The following NCKAP1 variants were observed in gnomAD, a reference collection of about 807,000 sequenced individuals.
NCKAP1 encodes the protein nck-associated protein 1.
In NCKAP1, 21 loss-of-function variants were observed where a neutral mutation model predicts 151.2. That is an observed-to-expected ratio of 0.14 (90% CI 0.10 to 0.20). The LOEUF is 0.20. Among genes scored for constraint, NCKAP1 ranks in the 10% least tolerant of loss-of-function variants. The pLI, the probability that NCKAP1 is intolerant of heterozygous loss-of-function variation, is 1.00. For synonymous variants in NCKAP1, 484 were observed against 451.8 expected, an observed-to-expected ratio of 1.07 and a Z score of -0.90; for missense variants, 933 against 1,352.1, an observed-to-expected ratio of 0.69 and a Z score of 4.86.
rs759884943 is a variant in NCKAP1 at position 182,928,163 on chromosome 2, G to A, written c.3134C>T (p.Thr1045Ile). 1.9e-6 allele frequency: 3 copies of A among 1,612,760 alleles called. No individual in the cohort carries two copies. Among genetic ancestry groups the A allele is most frequent in the Admixed American group, 3.3e-5 (2 of 59,876 alleles). ...GTCTTCAATGCTTCCTTTGTGAATTGTAAACAAAGCTGCAGCAATCTGGTT... is the reference window on the plus strand; with the variant it reads ...GTCTTCAATGCTTCCTTTGTGAATTATAAACAAAGCTGCAGCAATCTGGTT... ...AINQIAAALF[T>I]IHKGSIEDRL... Residue 1045 changes from threonine (T) to isoleucine (I), a missense_variant, in exon 29 of 31, where the codon ACA becomes ATA. Coordinates refer to ENST00000361354, the MANE Select transcript of NCKAP1 (RefSeq NM_013436.5).
chr2:183,018,024 G>A (rs190996377), intron 2 of NCKAP1, among the ~76,000 whole-genome samples: 4 of 152,186 alleles, frequency 2.6e-5, no homozygotes, highest in African/African-American at 4.8e-5. Context: ...TGGGGCGGAC[G>A]GATTGCCTGA....
Position 183,002,103 on chromosome 2 carries a change from A to G in NCKAP1, c.512+24T>C, listed in dbSNP as rs773045131. On this transcript the variant is annotated intron_variant, in intron 5 of 30. Transcript: ENST00000361354. Reference sequence around the variant, plus strand: ...AATCCATCAAACTGAGCATTTTAGAAAGACTTTTATAATGCAAATCTACCT... The same window carrying G: ...AATCCATCAAACTGAGCATTTTAGAGAGACTTTTATAATGCAAATCTACCT... 3.7e-6 allele frequency: 6 copies of G among 1,612,456 alleles called. No homozygotes were observed. The East Asian group carries it at 8.9e-5, about 24-fold the overall frequency.
At chr2:182,936,078 A>G (rs1696868246) in intron 24 of NCKAP1, among the ~76,000 whole-genome samples, 1 of 151,988 alleles carries the variant, frequency 6.6e-6, no homozygotes, top group Non-Finnish European at 1.5e-5. Flanking sequence ...GCAACATAGC[A>G]AGACCCTGTC....
chr2:183,002,984 A>G lies in NCKAP1; in HGVS notation c.359T>C (p.Phe120Ser). The change falls in exon 4 of 31, where the codon TTC (phenylalanine) becomes TCC (serine). Residue 120 changes from phenylalanine to serine, a missense_variant. Around this residue, in one of 2 missense-constraint regions of NCKAP1, gnomAD observed 607 missense variants for 795.0 expected, o/e 0.76. Coordinates refer to ENST00000361354, the MANE Select transcript of NCKAP1 (RefSeq NM_013436.5). ...LLNTIDVCQV[F>S]FDITVNFDLT... is the part of the protein sequence containing the mutation. ...GAAAATGATACTTACAATATCAAAG[A>G]AGACTTGGCAAACGTCAATAGTATT... The G allele has an allele frequency of 1.9e-6, 3 of 1,607,600 alleles. No homozygotes were observed. Among genetic ancestry groups the G allele is most frequent in the Non-Finnish European group, 2.6e-6 (3 of 1,175,756 alleles).
At position 182,909,754 on chromosome 2, in the gene NCKAP1, T is replaced by C. The variant is rs1696358889; in HGVS notation, c.*15948A>G. The C allele has an allele frequency of 6.6e-6, 1 of 152,238 alleles. No homozygotes were observed. The highest frequency in any genetic ancestry group is 1.5e-5 in the Non-Finnish European group (1 of 68,040). The allele number at this position is 152,238 out of a possible 1,614,324, so 9.4% of individuals were successfully genotyped here. ...AAGTCAACTAGAAATGAGAATTTTCTGTGCTCCATTTTGAATTTGATTTGT... is the reference window on the plus strand; with the variant it reads ...AAGTCAACTAGAAATGAGAATTTTCCGTGCTCCATTTTGAATTTGATTTGT... On this transcript the variant is annotated 3_prime_UTR_variant, in exon 31 of 31. Coordinates refer to ENST00000361354, the MANE Select transcript of NCKAP1 (RefSeq NM_013436.5).
In NCKAP1 at chr2:182,910,817, C is replaced by T. The variant is rs2105783919; in HGVS notation, c.*14885G>A. The stretch of plus-strand genomic sequence containing the variant: ...AGTGGGCAAACATCAAGAACACTGG[C>T]TTATCAGCAACCTTCAGAGAAAGTT... On this transcript the variant is annotated 3_prime_UTR_variant, in exon 31 of 31. Transcript: ENST00000361354. The T allele has an allele frequency of 6.6e-6, 1 of 152,236 alleles. No homozygotes were observed. The highest frequency in any genetic ancestry group is 2.1e-4 in the South Asian group (1 of 4,828). The allele number at this position is 152,236 out of a possible 1,614,324, so 9.4% of individuals were successfully genotyped here.
Position 182,962,201 on chromosome 2 carries a change from G to C in NCKAP1, c.1839C>G (p.Leu613=). 1 of 1,612,972 alleles carries C rather than the reference G, an allele frequency of 6.2e-7. No individual in the cohort carries two copies. Among genetic ancestry groups the C allele is most frequent in the Non-Finnish European group, 8.5e-7 (1 of 1,179,294 alleles). ...LDEMAKQARN[L]ITDICTEQCT... Reference sequence around the variant, plus strand: ...ACTGTTCTGTGCAAATATCAGTGATGAGATTTCGAGCTTGTTTGGCCATTT... The same window carrying C: ...ACTGTTCTGTGCAAATATCAGTGATCAGATTTCGAGCTTGTTTGGCCATTT... Residue 613 remains leucine, a synonymous_variant, in exon 18 of 31, where the codon CTC becomes CTG. Coordinates refer to ENST00000361354, the MANE Select transcript of NCKAP1 (RefSeq NM_013436.5).
chr2:183,024,958 A>T, intron 1 of NCKAP1: 1 of 1,612,040 alleles, frequency 6.2e-7, no homozygotes, highest in East Asian at 2.2e-5. Context: ...GGCAGAGGGA[A>T]GGTGAAAAGC....
At position 183,002,252 on chromosome 2, in the gene NCKAP1, T is replaced by C; in HGVS notation, c.387A>G (p.Leu129=). The stretch of plus-strand genomic sequence containing the variant: ...TAATTAAATCTAAGTAGTTCTTTGT[T>C]AAATCAAAGTTTACAGTCTAGGAGA... ...VFFDITVNFD[L]TKNYLDLIIT... Residue 129 remains leucine (L), a synonymous_variant, in exon 5 of 31, where the codon TTA becomes TTG. Transcript: ENST00000361354. 1.3e-6 allele frequency: 2 copies of C among 1,542,740 alleles called. No individual in the cohort carries two copies. The highest frequency in any genetic ancestry group is 2.8e-5 in the African/African-American group (2 of 72,628).
At chr2:182,994,710 T>C in intron 8 of NCKAP1, 129 bp downstream of exon 8, 1 of 709,374 alleles carries the variant, frequency 1.4e-6, no homozygotes, top group Non-Finnish European at 2.4e-6. Context: ...ATATGAGGAC[T>C]GAAAGAGGTA....
intron 9 of NCKAP1, among the ~76,000 whole-genome samples, chr2:182,987,253 A>T (rs1007126637): frequency 2.2e-4 from 33 of 149,120 alleles, no homozygotes; most frequent in African/African-American, 4.9e-4. Flanking sequence ...AAAAACAAAT[A>T]AAAAAAAAAG....
intron 1 of NCKAP1, 118 bp downstream of exon 1, chr2:183,037,874 G>T: frequency 1.3e-6 from 1 of 745,024 alleles, no homozygotes; most frequent in South Asian, 2.2e-5. Flanking sequence ...GCCTCGGGCG[G>T]CGACGCCGAG....
intron 24 of NCKAP1, among the ~76,000 whole-genome samples, chr2:182,941,755 ATCCTTTT>A (rs1365809042): frequency 3.9e-5 from 6 of 152,206 alleles, no homozygotes; most frequent in African/African-American, 1.4e-4. Context: ...TCAGAAGCTA[ATCCTTTT>A]AGTCTAAATT....
intron 26 of NCKAP1, 29 bp from the exon 27 acceptor site, chr2:182,930,817 A>C: frequency 6.4e-7 from 1 of 1,567,444 alleles, no homozygotes; most frequent in Non-Finnish European, 8.8e-7. Context: ...TTACAGAGCA[A>C]TAAATAGTCT....
chr2:182,988,848 A>G (rs1319993213), intron 9 of NCKAP1, among the ~76,000 whole-genome samples, 182 bp downstream of exon 9: 1 of 152,122 alleles, frequency 6.6e-6, no homozygotes, highest in Non-Finnish European at 1.5e-5. Context: ...AGTTACCTGT[A>G]AAAAACATGA....
At chr2:182,983,502 A>G in intron 10 of NCKAP1, 120 bp from the exon 11 acceptor site, 1 of 618,010 alleles carries the variant, frequency 1.6e-6, no homozygotes, top group Non-Finnish European at 2.8e-6. Flanking sequence ...CAAAGTTCCT[A>G]TAAAAATCAT....
chr2:182,942,024 T>C (rs958886597), intron 24 of NCKAP1, 46 bp downstream of exon 24: 2 of 1,462,280 alleles, frequency 1.4e-6, no homozygotes, highest in African/African-American at 2.8e-5. Flanking sequence ...AAATACTGAG[T>C]ATCAAGATCT....
intron 21 of NCKAP1, 77 bp downstream of exon 21, chr2:182,953,036 T>C (rs1697245951): frequency 3.4e-6 from 5 of 1,484,620 alleles, no homozygotes; most frequent in Non-Finnish European, 4.5e-6. Flanking sequence ...TAAGTACTTA[T>C]TCACAAAAAA....
At chr2:182,930,649 T>C (rs1364498711) in intron 27 of NCKAP1, 46 bp downstream of exon 27, 1 of 1,450,446 alleles carries the variant, frequency 6.9e-7, no homozygotes, top group African/African-American at 1.4e-5. Flanking sequence ...TATGCTGCCC[T>C]GGTAACTTTA....
Sources: allele counts gnomAD v4.1 joint callset (sites outside exome capture counted in the v4.1 genomes callset), GRCh38; gene constraint gnomAD v4.1.1; regional missense constraint gnomAD v4.1.1; transcripts MANE v1.5; gene names NCBI Gene and HGNC (gene_info 2026-07-23, HGNC 2026-07-21).